Variants in UBR3 observed in about 807,000 individuals in gnomAD.
UBR3 encodes E3 ubiquitin-protein ligase UBR3.
UBR3 carries 85 observed loss-of-function variants against 243.2 expected under a neutral mutation model. The ratio of observed to expected loss-of-function variants is 0.35; its 90% CI spans 0.29 to 0.42. UBR3 has a LOEUF of 0.42. Ranked by LOEUF, UBR3 falls within the 10% of genes least tolerant of loss-of-function variation. The pLI, the probability that UBR3 is intolerant of heterozygous loss-of-function variation, is 1.00. For synonymous variants in UBR3, 748 were observed against 799.8 expected (o/e 0.94, Z 1.09); for missense variants, 1,686 against 2,300.8 (o/e 0.73, Z 5.47).
chr2:169,947,545 T>A lies in UBR3; in HGVS notation c.2914T>A (p.Ser972Thr). 6.8e-7 allele frequency: 1 copy of A among 1,476,092 alleles called. No homozygotes were observed. Among genetic ancestry groups the A allele is most frequent in the Non-Finnish European group, 9.0e-7 (1 of 1,111,626 alleles). 91.4% of individuals were successfully genotyped at this position (1,476,092 alleles called of 1,614,324 possible). ...SAEEESDEEA[S>T]VGGPERCHDS... ...TTCATTTTTTTTTTTATTTTAGGCATCAGTGGGTGGACCAGAACGTTGTCA... is the reference window on the plus strand; with the variant it reads ...TTCATTTTTTTTTTTATTTTAGGCAACAGTGGGTGGACCAGAACGTTGTCA... The change falls in exon 22 of 39, where the codon TCA (serine) becomes ACA (threonine). Residue 972 changes from serine (S) to threonine (T), a missense_variant. Physicochemically the swap from Ser to Thr is moderately conservative, Grantham distance 58. Transcript: ENST00000272793.
chr2:169,854,677 C>G (rs1412815301), intron 1 of UBR3, among the ~76,000 whole-genome samples: 1 of 152,038 alleles, frequency 6.6e-6, no homozygotes, highest in Non-Finnish European at 1.5e-5. Flanking sequence ...GTACCACTAT[C>G]CACCTTATGA....
chr2:170,027,245 A>C (rs1039926240), intron 30 of UBR3, among the ~76,000 whole-genome samples: 1 of 151,504 alleles, frequency 6.6e-6, no homozygotes, highest in African/African-American at 2.4e-5. Context: ...CTTACATACT[A>C]TAGATTTATT....
chr2:169,951,860 G>A (rs2105362905), intron 23 of UBR3, among the ~76,000 whole-genome samples: 1 of 152,250 alleles, frequency 6.6e-6, no homozygotes, highest in South Asian at 2.1e-4. Flanking sequence ...TCAGGTTGAT[G>A]TGAGAAATGA....
At chr2:169,865,199 G>T in intron 1 of UBR3, among the ~76,000 whole-genome samples, 1 of 152,012 alleles carries the variant, frequency 6.6e-6, no homozygotes, top group Non-Finnish European at 1.5e-5. Context: ...TTTTTTAAGA[G>T]ACAGGGTCAT....
At chr2:169,959,178 A>T (rs190806883) in intron 24 of UBR3, among the ~76,000 whole-genome samples, 5 of 152,270 alleles carry the variant, frequency 3.3e-5, no homozygotes, top group Non-Finnish European at 7.4e-5. Context: ...ACACACATAT[A>T]TGCATTCAAG....
At chr2:169,962,413 T>C (rs2087621139) in intron 24 of UBR3, among the ~76,000 whole-genome samples, 1 of 152,076 alleles carries the variant, frequency 6.6e-6, no homozygotes, top group African/African-American at 2.4e-5. Flanking sequence ...TGACAGCAAT[T>C]TCAGGAGAGC....
intron 1 of UBR3, among the ~76,000 whole-genome samples, chr2:169,839,555 T>A (rs1197010200): frequency 6.6e-6 from 1 of 152,156 alleles, no homozygotes; most frequent in African/African-American, 2.4e-5. Flanking sequence ...AAGACAAATA[T>A]TTAAGGTAGT....
In UBR3 at chr2:170,066,086, T is replaced by C. The variant is rs145453403; in HGVS notation, c.5019+4643T>C. ...TGAACATTAATCTTAGACATTTAGC[T>C]GTCCTGCTAAATTCAGTTATTCTTT... is the stretch of plus-strand genomic sequence containing the variant. On this transcript the variant is annotated intron_variant, in intron 35 of 38. Coordinates refer to ENST00000272793, the MANE Select transcript of UBR3 (RefSeq NM_172070.4). Among the ~76,000 whole-genome samples, 398 of 152,326 alleles carry C rather than the reference T, an allele frequency of 2.6e-3. 2 individuals are homozygous for C. The highest frequency in any genetic ancestry group is 3.4e-3 in the Middle Eastern group (1 of 294).
chr2:169,845,696 G>A (rs922911934), intron 1 of UBR3, among the ~76,000 whole-genome samples: 1 of 151,062 alleles, frequency 6.6e-6, no homozygotes, highest in Non-Finnish European at 1.5e-5. Flanking sequence ...AGCGATTCTT[G>A]TGCCTCAGCC....
Position 169,827,468 on chromosome 2 carries a change from A to C in UBR3, c.-40A>C, listed in dbSNP as rs753630182. 1.7e-4 allele frequency: 208 copies of C among 1,220,286 alleles called. 1 individual carries two copies. Among genetic ancestry groups the C allele is most frequent in the Non-Finnish European group, 1.0e-4 (101 of 980,574 alleles). 75.6% of individuals were successfully genotyped at this position (1,220,286 alleles called of 1,614,324 possible). A position where few individuals can be genotyped will look rare whatever the true frequency, so the allele number is the denominator to read the frequency against. ...TCTATTCCCTCACTCTCCCTGGAGG[A>C]GCCGCTGGCCCTGGACTCTCCAAAT... On this transcript the variant is annotated 5_prime_UTR_variant, in exon 1 of 39. Transcript: ENST00000272793.
intron 10 of UBR3, 24 bp from the exon 11 acceptor site, chr2:169,914,036 A>G: frequency 8.7e-7 from 1 of 1,144,184 alleles, no homozygotes; most frequent in East Asian, 3.0e-5. Context: ...TCATAAATTT[A>G]TTATATATAA....
chr2:169,893,105 A>G (rs992221755), intron 6 of UBR3, among the ~76,000 whole-genome samples: 1 of 152,238 alleles, frequency 6.6e-6, no homozygotes, highest in Non-Finnish European at 1.5e-5. Flanking sequence ...AATATTACAC[A>G]ATATAACACG....
At chr2:169,991,626 A>G (rs1417436205) in intron 25 of UBR3, among the ~76,000 whole-genome samples, 1 of 152,166 alleles carries the variant, frequency 6.6e-6, no homozygotes, top group Non-Finnish European at 1.5e-5. Context: ...TCTGTCATGC[A>G]GGCTGGAGTG....
chr2:169,927,252 G>C, intron 16 of UBR3, 68 bp from the exon 17 acceptor site: 1 of 1,362,284 alleles, frequency 7.3e-7, no homozygotes. Context: ...AGTAAAAAGT[G>C]TGGTAAGTTT....
intron 1 of UBR3, among the ~76,000 whole-genome samples, chr2:169,867,943 A>T (rs1574081058): frequency 6.6e-6 from 1 of 151,992 alleles, no homozygotes; most frequent in East Asian, 1.9e-4. Flanking sequence ...TCTTTTTAAG[A>T]TTTTTAGTTT....
chr2:169,926,870 CACA>C lies in UBR3; in HGVS notation c.2241_2243del (p.Gln747del). ...GTAGTGGATTTGTTGACAATGGCAT[CACA>C]ACATCAAAATACAGTACTTGATGCA... On this transcript the variant is annotated inframe_deletion, in exon 16 of 39. Coordinates refer to ENST00000272793, the MANE Select transcript of UBR3 (RefSeq NM_172070.4). 1 of 1,549,732 alleles carries C rather than the reference CACA, an allele frequency of 6.5e-7. No homozygotes were observed. The highest frequency in any genetic ancestry group is 8.7e-7 in the Non-Finnish European group (1 of 1,145,606).
At chr2:170,040,659 A>G (rs1213211403) in intron 31 of UBR3, among the ~76,000 whole-genome samples, 1 of 152,116 alleles carries the variant, frequency 6.6e-6, no homozygotes, top group East Asian at 1.9e-4. Flanking sequence ...CTTTGATAAC[A>G]CAACACATTT....
At position 169,914,070 on chromosome 2, in the gene UBR3, A is replaced by G. The variant is rs1435695644; in HGVS notation, c.1790A>G (p.Glu597Gly). 1 of 1,483,316 alleles carries G rather than the reference A, an allele frequency of 6.7e-7. No homozygotes were observed. The highest frequency in any genetic ancestry group is 1.4e-5 in the South Asian group (1 of 70,478). The allele number at this position is 1,483,316 out of a possible 1,614,324, so 91.9% of individuals were successfully genotyped here. ...LSHCKVRETQEYTRNVVRYCL... is the reference protein window; with the variant it reads ...LSHCKVRETQGYTRNVVRYCL... ...AACTTACTATTTTAGGAAACTCAAG[A>G]GTATACCCGAAATGTTGTTAGATAT... Residue 597 changes from glutamate (E) to glycine (G), a missense_variant, in exon 11 of 39, where the codon GAG becomes GGG. Glu to Gly is a moderately conservative substitution (Grantham distance 98, BLOSUM62 -2). Around this residue, in one of 8 missense-constraint regions of UBR3, gnomAD observed 346 missense variants for 585.8 expected, o/e 0.59. Transcript: ENST00000272793.
At chr2:169,901,313 AT>A (rs528537189) in intron 8 of UBR3, among the ~76,000 whole-genome samples, 15 of 151,560 alleles carry the variant, frequency 9.9e-5, no homozygotes, top group East Asian at 1.9e-4. Flanking sequence ...TTTAAATATA[AT>A]TTTTTTTTAG....
Sources: gnomAD v4.1 joint callset for allele counts (sites outside exome capture counted in the v4.1 genomes callset) on GRCh38, gnomAD v4.1.1 for gene constraint, gnomAD v4.1.1 regional missense constraint, MANE v1.5 for transcripts, NCBI Gene and HGNC (gene_info 2026-07-23, HGNC 2026-07-21) for gene names.